The following CPD variants were observed in gnomAD, a reference collection of about 807,000 sequenced individuals.
The protein encoded by CPD is carboxypeptidase D.
Under a neutral mutation model 138.3 loss-of-function variants are expected in CPD, and 69 were observed. The ratio of observed to expected loss-of-function variants is 0.50; its 90% CI spans 0.41 to 0.61. CPD has a LOEUF of 0.61. Among genes scored for constraint, CPD ranks in the 20% least tolerant of loss-of-function variants. The pLI, the probability that CPD is intolerant of heterozygous loss-of-function variation, is 0.00. For missense variants in CPD, 1,432 were observed against 1,733.3 expected (o/e 0.83, Z 3.09); for synonymous variants, 651 against 642.1 (o/e 1.01, Z -0.21).
chr17:30,435,632 A>G (rs1213689667), intron 8 of CPD, among the ~76,000 whole-genome samples: 2 of 152,220 alleles, frequency 1.3e-5, no homozygotes, highest in African/African-American at 4.8e-5. Flanking sequence ...TGACAAAAAA[A>G]GATTGATACA....
At chr17:30,402,154 A>G (rs1911691507) in intron 2 of CPD, among the ~76,000 whole-genome samples, 2 of 148,404 alleles carry the variant, frequency 1.3e-5, no homozygotes, top group South Asian at 2.1e-4. Context: ...CTTCCATTAA[A>G]CCCATTCAGT....
intron 2 of CPD, among the ~76,000 whole-genome samples, chr17:30,385,696 T>C (rs928910992): frequency 1.3e-5 from 2 of 151,822 alleles, no homozygotes; most frequent in African/African-American, 2.4e-5. Context: ...AATATTATCA[T>C]ACCACATGCC....
chr17:30,442,397 C>A lies in CPD; in HGVS notation c.2320C>A (p.Leu774Met). 1 of 1,613,460 alleles carries A rather than the reference C, an allele frequency of 6.2e-7. No homozygotes were observed. Among genetic ancestry groups the A allele is most frequent in the Non-Finnish European group, 8.5e-7 (1 of 1,179,610 alleles). Residue 774 changes from leucine (L) to methionine (M), a missense_variant, in exon 10 of 21, where the codon CTG becomes ATG. By Grantham distance (15) the Leu-to-Met change is conservative (BLOSUM62 2). Transcript: ENST00000225719. ...GCVKYPLEKE[L>M]PNFWEQNRRS... ...TGTGAAATATCCACTTGAGAAAGAG[C>A]TGCCAAACTTTTGGGAACAGAATCG...
chr17:30,432,890 C>G (rs910617078), intron 8 of CPD, among the ~76,000 whole-genome samples: 30 of 152,034 alleles, frequency 2.0e-4, no homozygotes, highest in African/African-American at 7.0e-4. Context: ...TATACTCTAG[C>G]CTGGGTGACA....
chr17:30,409,814 T>C (rs1005009572), intron 2 of CPD, among the ~76,000 whole-genome samples: 2 of 152,184 alleles, frequency 1.3e-5, no homozygotes, highest in Non-Finnish European at 2.9e-5. Context: ...AGCTCCTGGA[T>C]TCATTGATTT....
At chr17:30,458,219 C>A (rs1422018477) in intron 17 of CPD, among the ~76,000 whole-genome samples, 1 of 152,034 alleles carries the variant, frequency 6.6e-6, no homozygotes, top group Non-Finnish European at 1.5e-5. Context: ...ACAAACAAAA[C>A]CCATTCTGGA....
chr17:30,464,303 TACAC>T (rs879303226), intron 20 of CPD, among the ~76,000 whole-genome samples: 12 of 151,784 alleles, frequency 7.9e-5, no homozygotes, highest in Non-Finnish European at 1.8e-4. Context: ...GTGGGAGGAT[TACAC>T]ACACACACAA....
intron 20 of CPD, among the ~76,000 whole-genome samples, chr17:30,464,373 T>C (rs1426453219): frequency 6.6e-6 from 1 of 152,096 alleles, no homozygotes; most frequent in South Asian, 2.1e-4. Context: ...TATAGGAGGT[T>C]TTTTGGTTTT....
chr17:30,391,346 C>T (rs555651622), intron 2 of CPD, among the ~76,000 whole-genome samples: 5 of 152,112 alleles, frequency 3.3e-5, no homozygotes, highest in South Asian at 4.2e-4. Flanking sequence ...GAGGCCAAGG[C>T]GGGAGGATCT....
At chr17:30,411,183 G>A (rs1911959065) in intron 2 of CPD, among the ~76,000 whole-genome samples, 1 of 152,134 alleles carries the variant, frequency 6.6e-6, no homozygotes, top group African/African-American at 2.4e-5. Flanking sequence ...TTGAATATTG[G>A]CCCCCACTCT....
intron 8 of CPD, among the ~76,000 whole-genome samples, chr17:30,432,309 A>C (rs1239691179): frequency 6.6e-6 from 1 of 152,196 alleles, no homozygotes; most frequent in African/African-American, 2.4e-5. Context: ...CAACATTTCA[A>C]AGTAAGTCAG....
chr17:30,391,310 G>A (rs557964284), intron 2 of CPD, among the ~76,000 whole-genome samples: 4 of 152,204 alleles, frequency 2.6e-5, no homozygotes, highest in East Asian at 1.9e-4. Flanking sequence ...AAGCCATGGC[G>A]TGTGCTTGTA....
At chr17:30,444,019 G>A in intron 11 of CPD, 48 bp downstream of exon 11, 1 of 1,586,626 alleles carries the variant, frequency 6.3e-7, no homozygotes, top group Non-Finnish European at 8.6e-7. Flanking sequence ...GACAAACATG[G>A]CTCCATTCTG....
chr17:30,412,681 G>A (rs547721642), intron 2 of CPD, among the ~76,000 whole-genome samples: 41 of 152,326 alleles, frequency 2.7e-4, no homozygotes, highest in Middle Eastern at 3.4e-3. Flanking sequence ...GGGACCCACC[G>A]AGCCAGGCAC....
At position 30,468,891 on chromosome 17, in the gene CPD, G is replaced by A. The variant is rs892770776; in HGVS notation, c.*4077G>A. On this transcript the variant is annotated 3_prime_UTR_variant, in exon 21 of 21. Transcript: ENST00000225719. The stretch of plus-strand genomic sequence containing the variant: ...AGCTTTGTTTCTGAAATCGCATTAT[G>A]TAGTAGCCACAGTTTTCTGTTTGTA... 1 of 152,158 alleles carries A rather than the reference G, an allele frequency of 6.6e-6. No individual in the cohort carries two copies. The highest frequency in any genetic ancestry group is 2.4e-5 in the African/African-American group (1 of 41,446). The allele number at this position is 152,158 out of a possible 1,614,324, so 9.4% of individuals were successfully genotyped here.
rs1266138349 is a variant in CPD, at chr17:30,379,149, C to T, written c.169C>T (p.Arg57Cys). 2.6e-6 allele frequency: 4 copies of T among 1,536,426 alleles called. No homozygotes were observed. Among genetic ancestry groups the T allele is most frequent in the Non-Finnish European group, 2.6e-6 (3 of 1,144,942 alleles). The change falls in exon 1 of 21, where the codon CGC (arginine) becomes TGC (cysteine). Residue 57 changes from arginine to cysteine, a missense_variant. Arg to Cys is a radical substitution (Grantham distance 180, BLOSUM62 -3). Transcript: ENST00000225719. The surrounding 1 kb of genome is among the most constrained non-coding windows in gnomAD (Gnocchi z 7.0). ...GAEAAEGQFDRYYHEEELESA... is the reference protein window; with the variant it reads ...GAEAAEGQFDCYYHEEELESA... ...CGAGGCGGCCGAGGGCCAGTTCGAC[C>T]GCTACTACCACGAAGAGGAGTTGGA...
intron 1 of CPD, chr17:30,380,681 TC>T: frequency 7.2e-7 from 1 of 1,390,890 alleles, no homozygotes; most frequent in Non-Finnish European, 9.8e-7. Context: ...CAGGAATTGT[TC>T]CCACTGGCAA....
At chr17:30,461,099 T>G in intron 17 of CPD, 81 bp from the exon 18 acceptor site, 1 of 1,106,050 alleles carries the variant, frequency 9.0e-7, no homozygotes, top group Non-Finnish European at 1.2e-6. Flanking sequence ...TTTCATTTAC[T>G]CCATTTGTTG....
In CPD at chr17:30,468,837, TTC is replaced by T. The variant is rs890991257; in HGVS notation, c.*4025_*4026del. 4 of 152,144 alleles carry T rather than the reference TTC, an allele frequency of 2.6e-5. No homozygotes were observed. Among genetic ancestry groups the T allele is most frequent in the African/African-American group, 4.8e-5 (2 of 41,430 alleles). The allele number at this position is 152,144 out of a possible 1,614,324, so 9.4% of individuals were successfully genotyped here. ...ATACAGGGTATCACCTATGGAATGT[TTC>T]TGTATTTATGAATTGACTCAAAAGA... On this transcript the variant is annotated 3_prime_UTR_variant, in exon 21 of 21. Transcript: ENST00000225719.
Sources: allele counts gnomAD v4.1 joint callset (sites outside exome capture counted in the v4.1 genomes callset), GRCh38; gene constraint gnomAD v4.1.1; non-coding constraint Gnocchi (gnomAD v3.1); transcripts MANE v1.5; gene names NCBI Gene and HGNC (gene_info 2026-07-23, HGNC 2026-07-21).